The following HEMK2 variants were observed in gnomAD, a reference collection of about 807,000 sequenced individuals.
HEMK2 encodes HemK methyltransferase 2, ETF1 glutamine and histone H4 lysine, also known as methyltransferase HEMK2.
chr21:28,864,913 T>TATAGACAGATAGATAGATAG, the HEMK2 span, among the ~76,000 whole-genome samples: 482 of 144,216 alleles, frequency 3.3e-3, 3 homozygotes, highest in Non-Finnish European at 5.5e-3. Flanking sequence ...AGATAGATGA[T>TATAGACAGATAGATAGATAG]ATAGATAGAT....
At chr21:28,859,810 TA>T in the HEMK2 span, among the ~76,000 whole-genome samples, 1 of 152,062 alleles carries the variant, frequency 6.6e-6, no homozygotes, top group African/African-American at 2.4e-5. Flanking sequence ...GCTCTCCATA[TA>T]GAAAAAAAGT....
chr21:28,737,820 C>A, the HEMK2 span, among the ~76,000 whole-genome samples: 1 of 152,230 alleles, frequency 6.6e-6, no homozygotes, highest in Non-Finnish European at 1.5e-5. Context: ...CAAGCCAGGT[C>A]TGCCAGAACT....
chr21:28,608,387 TCA>T, the HEMK2 span, among the ~76,000 whole-genome samples: 1 of 116,124 alleles, frequency 8.6e-6, no homozygotes. Flanking sequence ...GTTTTCAACT[TCA>T]AAAAAAAAAA....
At chr21:28,655,217 GTCTAT>G in the HEMK2 span, among the ~76,000 whole-genome samples, 5 of 151,778 alleles carry the variant, frequency 3.3e-5, no homozygotes, top group African/African-American at 1.2e-4. Flanking sequence ...TCCTCTATTT[GTCTAT>G]TCTATTTTTC....
At chr21:28,713,087 A>G in the HEMK2 span, among the ~76,000 whole-genome samples, 1 of 152,176 alleles carries the variant, frequency 6.6e-6, no homozygotes, top group African/African-American at 2.4e-5. Flanking sequence ...GCCTTTTGCA[A>G]TGAATGGCAT....
At chr21:28,878,597 A>G in the HEMK2 span, among the ~76,000 whole-genome samples, 11 of 152,166 alleles carry the variant, frequency 7.2e-5, no homozygotes, top group Admixed American at 7.2e-4. Flanking sequence ...TAGAAAAATA[A>G]TAAGTGGATA....
the HEMK2 span, among the ~76,000 whole-genome samples, chr21:28,657,388 A>C: frequency 6.0e-3 from 912 of 152,168 alleles, 5 homozygotes; most frequent in African/African-American, 0.021. Context: ...TATTTACCTA[A>C]ATTATGCCAA....
At chr21:28,616,774 C>G in the HEMK2 span, among the ~76,000 whole-genome samples, 1 of 152,176 alleles carries the variant, frequency 6.6e-6, no homozygotes, top group African/African-American at 2.4e-5. Context: ...ATTCTAGTTT[C>G]TCATTTGTGG....
At chr21:28,830,605 G>A in the HEMK2 span, among the ~76,000 whole-genome samples, 35,706 of 152,156 alleles carry the variant, frequency 0.23, 5,900 homozygotes, top group African/African-American at 0.46. Flanking sequence ...GAGGCCAGGC[G>A]CGTGGCTCAC....
chr21:28,877,250 G>C, the HEMK2 span, among the ~76,000 whole-genome samples: 2 of 67,330 alleles, frequency 3.0e-5, no homozygotes, highest in African/African-American at 8.4e-5. Flanking sequence ...GGAAGGGAAG[G>C]GAAGAGAAGG....
At chr21:28,639,405 C>G in the HEMK2 span, among the ~76,000 whole-genome samples, 3 of 152,194 alleles carry the variant, frequency 2.0e-5, no homozygotes, top group Non-Finnish European at 4.4e-5. Context: ...ACCCCCAGTT[C>G]TAGTGCCAAC....
chr21:28,736,214 C>A, the HEMK2 span, among the ~76,000 whole-genome samples: 1 of 152,176 alleles, frequency 6.6e-6, no homozygotes, highest in South Asian at 2.1e-4. Context: ...GCAGAGAGAG[C>A]CCACTTCTAG....
chr21:28,814,903 T>C, the HEMK2 span, among the ~76,000 whole-genome samples: 4 of 152,140 alleles, frequency 2.6e-5, no homozygotes, highest in African/African-American at 9.7e-5. Context: ...AGATTATAAA[T>C]CATGCTGCTA....
At chr21:28,701,850 C>A in the HEMK2 span, among the ~76,000 whole-genome samples, 1 of 151,780 alleles carries the variant, frequency 6.6e-6, no homozygotes, top group Non-Finnish European at 1.5e-5. Flanking sequence ...TCATATGGAA[C>A]CAAAAAAGAG....
At chr21:28,789,814 A>T in the HEMK2 span, among the ~76,000 whole-genome samples, 1 of 152,246 alleles carries the variant, frequency 6.6e-6, no homozygotes, top group African/African-American at 2.4e-5. Flanking sequence ...GCTTAGGGCT[A>T]GTAACTGATA....
At chr21:28,789,175 T>A in the HEMK2 span, among the ~76,000 whole-genome samples, 1 of 152,206 alleles carries the variant, frequency 6.6e-6, no homozygotes, top group African/African-American at 2.4e-5. Flanking sequence ...AAGTAAGTTT[T>A]TAGTGTAAGG....
At chr21:28,757,891 A>G in the HEMK2 span, among the ~76,000 whole-genome samples, 1 of 152,218 alleles carries the variant, frequency 6.6e-6, no homozygotes, top group East Asian at 1.9e-4. Context: ...AATACAGCAG[A>G]TAAGGCTATG....
the HEMK2 span, among the ~76,000 whole-genome samples, chr21:28,601,483 A>G: frequency 6.6e-6 from 1 of 152,014 alleles, no homozygotes; most frequent in Non-Finnish European, 1.5e-5. Context: ...TCCAGTCGAG[A>G]CTTTCTCTAC....
the HEMK2 span, among the ~76,000 whole-genome samples, chr21:28,867,392 A>G: frequency 6.6e-6 from 1 of 152,254 alleles, no homozygotes; most frequent in African/African-American, 2.4e-5. Context: ...TCTATAAAAA[A>G]ATCCCAATGT....
Sources: gnomAD v4.1 joint callset for allele counts (sites outside exome capture counted in the v4.1 genomes callset) on GRCh38, gnomAD v4.1.1 for gene constraint, MANE v1.5 for transcripts, NCBI Gene and HGNC (gene_info 2026-07-23, HGNC 2026-07-21) for gene names.